Variants in COPG2 observed in about 807,000 individuals in gnomAD.
COPG2 encodes coatomer subunit gamma-2.
Under a neutral mutation model 46.3 loss-of-function variants are expected in COPG2, and 37 were observed. The observed-to-expected ratio is 0.80, with a 90% CI of 0.61 to 1.05. The LOEUF is 1.05. COPG2 is among the 50% of genes least tolerant of loss of function. The pLI is 0.00. For missense variants in COPG2, 427 were observed against 387.8 expected (o/e 1.10, Z -0.85); for synonymous variants, 159 against 129.7 (o/e 1.23, Z -1.53).
chr7:130,589,715 G>A (rs1554448544), intron 9 of COPG2, among the ~76,000 whole-genome samples: 1 of 152,134 alleles, frequency 6.6e-6, no homozygotes, highest in Non-Finnish European at 1.5e-5. Flanking sequence ...CTTTAAATTT[G>A]TTCAACCTGA....
At chr7:130,554,183 A>T (rs1793579459) in intron 14 of COPG2, among the ~76,000 whole-genome samples, 1 of 152,018 alleles carries the variant, frequency 6.6e-6, no homozygotes, top group South Asian at 2.1e-4. Flanking sequence ...GTCGCTTAAA[A>T]ATATATATAT....
At position 130,607,662 on chromosome 7, in the gene COPG2, G is replaced by C. The variant is rs1232637524; in HGVS notation, c.737+3291C>G. ...AGTTGGTCAGCCAGTGATTTTTGTA[G>C]AGTTTAAAATTCATTTTGAGACTCA... On this transcript the variant is annotated intron_variant, in intron 9 of 23. Transcript: ENST00000425248. The C allele has an allele frequency of 7.7e-6, 4 of 517,480 alleles. No homozygotes were observed. In the Admixed American group the frequency reaches 7.8e-5, roughly 10 times the overall value. 32.1% of individuals were successfully genotyped at this position (517,480 alleles called of 1,614,324 possible). A position where few individuals can be genotyped will look rare whatever the true frequency, so the allele number is the denominator to read the frequency against.
chr7:130,662,997 A>G lies in COPG2; in HGVS notation c.213T>C (p.Phe71=), dbSNP rs367929074. The G allele has an allele frequency of 9.1e-5, 141 of 1,551,530 alleles. No individual in the cohort carries two copies. The highest frequency in any genetic ancestry group is 7.7e-4 in the African/African-American group (56 of 72,738). ...FGTTEATEAF[F]AMTRLFQSND... is the part of the protein sequence containing the mutation. Reference sequence around the variant, plus strand: ...TAGATTGAAACAATCGCGTCATTGCAAAGAAGGCTTCTGTAGCTTCCGTTG... The same window carrying G: ...TAGATTGAAACAATCGCGTCATTGCGAAGAAGGCTTCTGTAGCTTCCGTTG... Residue 71 remains phenylalanine, a synonymous_variant, in exon 4 of 24, where the codon TTT becomes TTC. Coordinates refer to ENST00000425248, the MANE Select transcript of COPG2 (RefSeq NM_012133.6).
intron 5 of COPG2, among the ~76,000 whole-genome samples, chr7:130,632,682 T>C (rs1487693756): frequency 6.6e-6 from 1 of 152,200 alleles, no homozygotes; most frequent in Non-Finnish European, 1.5e-5. Flanking sequence ...TACTGGTTTA[T>C]CTTTAAATTC....
chr7:130,612,700 G>A (rs1283378347), intron 7 of COPG2, among the ~76,000 whole-genome samples: 1 of 152,156 alleles, frequency 6.6e-6, no homozygotes, highest in Non-Finnish European at 1.5e-5. Context: ...CAAATGCAAT[G>A]TGATAGGTTT....
chr7:130,602,606 G>C (rs1200916965), intron 9 of COPG2, among the ~76,000 whole-genome samples: 1 of 151,990 alleles, frequency 6.6e-6, no homozygotes, highest in Non-Finnish European at 1.5e-5. Context: ...TGAATAGCTG[G>C]GATTACAGGC....
chr7:130,667,540 T>C lies in COPG2; in HGVS notation c.38-6A>G. ...GAAAGGATTGGAGCCACTACCTATT[T>C]ATAAAACAAAACAAAAAAATGTCCT... On this transcript the variant is annotated splice_region_variant and splice_polypyrimidine_tract_variant and intron_variant, in intron 1 of 23. Coordinates refer to ENST00000425248, the MANE Select transcript of COPG2 (RefSeq NM_012133.6). 6.2e-7 allele frequency: 1 copy of C among 1,612,682 alleles called. No homozygotes were observed. The highest frequency in any genetic ancestry group is 8.5e-7 in the Non-Finnish European group (1 of 1,179,192).
intron 5 of COPG2, among the ~76,000 whole-genome samples, chr7:130,631,048 AATT>A: frequency 6.6e-6 from 1 of 152,142 alleles, no homozygotes; most frequent in Admixed American, 6.5e-5. Context: ...TTTCCCTTTT[AATT>A]GAAGTGTTTA....
At chr7:130,646,763 G>A (rs2116219553) in intron 5 of COPG2, among the ~76,000 whole-genome samples, 2 of 151,748 alleles carry the variant, frequency 1.3e-5, no homozygotes, top group Middle Eastern at 6.8e-3. Flanking sequence ...TTTTTGCTGT[G>A]CTTTCACTCT....
intron 12 of COPG2, among the ~76,000 whole-genome samples, chr7:130,558,191 T>C (rs1454316172): frequency 2.0e-5 from 3 of 152,158 alleles, no homozygotes; most frequent in Non-Finnish European, 2.9e-5. Flanking sequence ...CCAAATCTCA[T>C]GTTGAATTGT....
At chr7:130,610,882 A>G (rs782767839) in intron 9 of COPG2, 71 bp downstream of exon 9, 18 of 1,527,666 alleles carry the variant, frequency 1.2e-5, no homozygotes, top group Non-Finnish European at 1.5e-5. Flanking sequence ...AAAATTCAAA[A>G]AGGAAATAAA....
chr7:130,546,141 T>C (rs982578703), intron 20 of COPG2, among the ~76,000 whole-genome samples: 4 of 151,916 alleles, frequency 2.6e-5, no homozygotes, highest in African/African-American at 9.7e-5. Context: ...AGGACATTGG[T>C]GAGAGGTAGA....
intron 9 of COPG2, among the ~76,000 whole-genome samples, chr7:130,581,956 A>C (rs1259184819): frequency 1.5e-4 from 22 of 149,902 alleles, no homozygotes; most frequent in Non-Finnish European, 2.2e-4. Context: ...CCATCCCCAT[A>C]AAGCTACCAA....
At chr7:130,651,957 T>C (rs369499010) in intron 5 of COPG2, among the ~76,000 whole-genome samples, 9 of 152,216 alleles carry the variant, frequency 5.9e-5, no homozygotes, top group Admixed American at 4.6e-4. Flanking sequence ...GCACATAAAA[T>C]GTTCTTTAAA....
At chr7:130,626,654 G>T (rs2116533923) in intron 5 of COPG2, among the ~76,000 whole-genome samples, 1 of 152,212 alleles carries the variant, frequency 6.6e-6, no homozygotes, top group Admixed American at 6.5e-5. Context: ...CTGTTGAGCT[G>T]CTTTTCATGT....
intron 20 of COPG2, among the ~76,000 whole-genome samples, chr7:130,538,480 A>T (rs936138979): frequency 6.6e-6 from 1 of 152,120 alleles, no homozygotes; most frequent in African/African-American, 2.4e-5. Context: ...GGAAGTTGGT[A>T]TCATGCTTCT....
At chr7:130,643,532 T>G (rs1206420869) in intron 5 of COPG2, among the ~76,000 whole-genome samples, 3 of 152,210 alleles carry the variant, frequency 2.0e-5, no homozygotes, top group African/African-American at 7.2e-5. Flanking sequence ...GATGTTGGTT[T>G]GAGAACTTCA....
Position 130,668,702 on chromosome 7 carries a change from A to G in COPG2, c.-34T>C. 6.6e-7 allele frequency: 1 copy of G among 1,518,492 alleles called. No individual in the cohort carries two copies. Among genetic ancestry groups the G allele is most frequent in the Non-Finnish European group, 8.8e-7 (1 of 1,133,710 alleles). The allele number at this position is 1,518,492 out of a possible 1,614,324, so 94.1% of individuals were successfully genotyped here. On this transcript the variant is annotated 5_prime_UTR_variant, in exon 1 of 24. Transcript: ENST00000425248. The stretch of plus-strand genomic sequence containing the variant: ...ACTTCCCAGCGCCCAGACCCACCGC[A>G]ACCGTCCCAGGCGCCGCAGCCGGCG...
Position 130,552,382 on chromosome 7 carries a change from A to G in COPG2, c.1517T>C (p.Leu506Pro). The G allele has an allele frequency of 2.5e-6, 1 of 398,326 alleles. No individual in the cohort carries two copies. The highest frequency in any genetic ancestry group is 4.4e-6 in the Non-Finnish European group (1 of 225,900). 24.7% of individuals were successfully genotyped at this position (398,326 alleles called of 1,614,324 possible). A position where few individuals can be genotyped will look rare whatever the true frequency, so the allele number is the denominator to read the frequency against. ...AKFGAQNESL[L>P]PSILVLLQRC... ...CTGTAAGAGTACAAGGATGCTTGGG[A>G]GAAGACTCTCATTCTGAGCCCCAAA... The change falls in exon 15 of 24, where the codon CTC becomes CCC. Residue 506 changes from leucine to proline, a missense_variant. Coordinates refer to ENST00000425248, the MANE Select transcript of COPG2 (RefSeq NM_012133.6).
Sources: allele counts gnomAD v4.1 joint callset (sites outside exome capture counted in the v4.1 genomes callset), GRCh38; gene constraint gnomAD v4.1.1; transcripts MANE v1.5; gene names NCBI Gene and HGNC (gene_info 2026-07-23, HGNC 2026-07-21).